The following MSI2 variants were observed in gnomAD, a reference collection of about 807,000 sequenced individuals.
The protein encoded by MSI2 is musashi RNA binding protein 2, also known as RNA-binding protein Musashi homolog 2.
Under a neutral mutation model 45.6 loss-of-function variants are expected in MSI2, and 17 were observed. The observed-to-expected ratio is 0.37, with a 90% CI of 0.26 to 0.56. The LOEUF is 0.56. Among genes scored for constraint, MSI2 ranks in the 20% least tolerant of loss-of-function variants. The pLI, the probability that MSI2 is intolerant of heterozygous loss-of-function variation, is 0.77. For missense variants in MSI2, 293 were observed against 444.2 expected (o/e 0.66, Z 3.06); for synonymous variants, 156 against 158.2 (o/e 0.99, Z 0.11).
chr17:57,495,307 C>T (rs1421815127), intron 6 of MSI2, among the ~76,000 whole-genome samples: 2 of 152,052 alleles, frequency 1.3e-5, no homozygotes, highest in African/African-American at 2.4e-5. Context: ...CCGAGGCAGG[C>T]GGATCACCTG....
intron 5 of MSI2, among the ~76,000 whole-genome samples, chr17:57,304,357 C>CAA (rs146857564): frequency 1.6e-4 from 9 of 55,096 alleles, no homozygotes; most frequent in African/African-American, 5.7e-4. Flanking sequence ...ACTCTGTCTC[C>CAA]AAAAAAAAAA....
chr17:57,308,403 A>C (rs1912100014), intron 5 of MSI2, among the ~76,000 whole-genome samples: 1 of 152,198 alleles, frequency 6.6e-6, no homozygotes, highest in Non-Finnish European at 1.5e-5. Context: ...TAAGTGTATA[A>C]TATCTATTTA....
At chr17:57,696,578 A>G in the MSI2 span, among the ~76,000 whole-genome samples, 1 of 152,078 alleles carries the variant, frequency 6.6e-6, no homozygotes, top group Non-Finnish European at 1.5e-5. Context: ...CTACAAAAAA[A>G]TTAAAAATTA....
intron 6 of MSI2, among the ~76,000 whole-genome samples, chr17:57,452,912 A>G (rs16958434): frequency 2.0e-3 from 298 of 151,818 alleles, no homozygotes; most frequent in Non-Finnish European, 3.1e-3. Context: ...TGCAGGCTCT[A>G]ACCTCAGACT....
intron 5 of MSI2, among the ~76,000 whole-genome samples, chr17:57,288,335 C>T (rs960446459): frequency 3.9e-5 from 6 of 152,136 alleles, no homozygotes; most frequent in African/African-American, 9.7e-5. Context: ...GTGCAGTTAC[C>T]GAACCCTACA....
At chr17:57,268,194 G>C (rs572297475) in intron 5 of MSI2, 1 of 152,162 alleles carries the variant, frequency 6.6e-6, no homozygotes, top group Non-Finnish European at 1.5e-5. Context: ...AGCACCGACC[G>C]TTTGCCAGAT....
chr17:57,344,098 C>G (rs1008639175), intron 5 of MSI2, among the ~76,000 whole-genome samples: 1 of 152,228 alleles, frequency 6.6e-6, no homozygotes, highest in Admixed American at 6.5e-5. Flanking sequence ...GAAGTTTCCT[C>G]TGAAAGCTAG....
intron 5 of MSI2, among the ~76,000 whole-genome samples, chr17:57,346,235 C>A (rs780955660): frequency 5.0e-4 from 76 of 151,988 alleles, no homozygotes; most frequent in Non-Finnish European, 9.3e-4. Flanking sequence ...ACTTGTATTT[C>A]GTGAGAATTG....
At chr17:57,659,680 C>T (rs1309113834) in intron 11 of MSI2, among the ~76,000 whole-genome samples, 2 of 152,064 alleles carry the variant, frequency 1.3e-5, no homozygotes, top group Non-Finnish European at 1.5e-5. Context: ...TTATGAGGGA[C>T]ACACCTGCCC....
the MSI2 span, among the ~76,000 whole-genome samples, chr17:57,697,498 T>TC: frequency 6.6e-6 from 1 of 152,090 alleles, no homozygotes; most frequent in Admixed American, 6.5e-5. Context: ...TCCCACTGCT[T>TC]CCCTCACACT....
rs1326062048 is a variant in MSI2 at position 57,432,254 on chromosome 17, G to A, written c.405+30783G>A. On this transcript the variant is annotated intron_variant, in intron 6 of 13. Coordinates refer to ENST00000284073, the MANE Select transcript of MSI2 (RefSeq NM_138962.4). ...TGACGTAGAGGGTGTGTGAGGCCCC[G>A]AGGAGCCAGGAGACTTGCTCAGGGT... is the stretch of plus-strand genomic sequence containing the variant. Among the ~76,000 whole-genome samples, 9 of 152,264 alleles carry A rather than the reference G, an allele frequency of 5.9e-5. No homozygotes were observed. The East Asian group carries it at 1.2e-3, about 20-fold the overall frequency.
intron 6 of MSI2, among the ~76,000 whole-genome samples, chr17:57,519,501 GCTTGCTCCATGA>G (rs368581079): frequency 1.6e-3 from 237 of 152,268 alleles, no homozygotes; most frequent in African/African-American, 5.2e-3. Context: ...TCTGCTAGAG[GCTTGCTCCATGA>G]CTATGGAGGA....
chr17:57,489,233 A>G (rs1055295924), intron 6 of MSI2, among the ~76,000 whole-genome samples: 1 of 152,028 alleles, frequency 6.6e-6, no homozygotes, highest in Non-Finnish European at 1.5e-5. Flanking sequence ...CACTTCCATG[A>G]GTTTATGAAA....
At chr17:57,648,293 C>CGGT (rs1910858945) in intron 10 of MSI2, among the ~76,000 whole-genome samples, 1 of 152,036 alleles carries the variant, frequency 6.6e-6, no homozygotes, top group African/African-American at 2.4e-5. Context: ...CATGAGCCAC[C>CGGT]GCGCCTGGCC....
At chr17:57,659,225 T>G (rs1258748891) in intron 11 of MSI2, among the ~76,000 whole-genome samples, 1 of 151,918 alleles carries the variant, frequency 6.6e-6, no homozygotes, top group Admixed American at 6.6e-5. Context: ...ATGCCCGGCT[T>G]TGGTTTTTTT....
At chr17:57,622,830 C>T (rs1567942712) in intron 9 of MSI2, among the ~76,000 whole-genome samples, 1 of 152,160 alleles carries the variant, frequency 6.6e-6, no homozygotes, top group Admixed American at 6.5e-5. Flanking sequence ...AGGAAGTGTT[C>T]CTTTGTTTAG....
At chr17:57,498,166 C>T (rs8068882) in intron 6 of MSI2, among the ~76,000 whole-genome samples, 3,574 of 152,220 alleles carry the variant, frequency 0.023, 131 homozygotes, top group African/African-American at 0.081. Flanking sequence ...CCTATTGCTA[C>T]GATGATTTAA....
At chr17:57,333,541 G>A (rs1199244873) in intron 5 of MSI2, among the ~76,000 whole-genome samples, 2 of 151,504 alleles carry the variant, frequency 1.3e-5, no homozygotes, top group African/African-American at 2.4e-5. Flanking sequence ...GGGTTCAAGC[G>A]ATTCTCCTGC....
chr17:57,474,578 TG>T (rs1273692934), intron 6 of MSI2, among the ~76,000 whole-genome samples: 2 of 152,186 alleles, frequency 1.3e-5, no homozygotes. Context: ...CAAGGTCCCC[TG>T]GAAAGCAAAA....
Sources: gnomAD v4.1 joint callset for allele counts (sites outside exome capture counted in the v4.1 genomes callset) on GRCh38, gnomAD v4.1.1 for gene constraint, MANE v1.5 for transcripts, NCBI Gene and HGNC (gene_info 2026-07-23, HGNC 2026-07-21) for gene names.